NBPF8: variants seen among roughly 807,000 people sequenced by gnomAD.
The protein encoded by NBPF8 is NBPF family member NBPF8.
At chr1:120,416,147 G>A (rs1323078933), upstream of NBPF8, among the ~76,000 whole-genome samples, 1 of 151,714 alleles carries the variant, frequency 6.6e-6, no homozygotes, top group African/African-American at 2.4e-5. Context: ...GAGCTGATAT[G>A]TGTTAGTAGC....
intron 16 of NBPF8, among the ~76,000 whole-genome samples, chr1:120,456,585 C>A (rs1256412643): frequency 1.5e-5 from 2 of 130,444 alleles, no homozygotes; most frequent in South Asian, 2.2e-4. Context: ...AGGATTGCAA[C>A]CCCTGCCTTT....
chr1:120,462,941 C>T (rs1661633146), exon 21 of NBPF8: 1 of 489,598 alleles, frequency 2.0e-6, no homozygotes, highest in Non-Finnish European at 3.4e-6. Context: ...AGGAACAGTA[C>T]CTTGGCTTGG....
intron 23 of NBPF8, among the ~76,000 whole-genome samples, chr1:120,464,890 C>T (rs1464494210): frequency 9.8e-5 from 7 of 71,212 alleles, no homozygotes; most frequent in African/African-American, 3.2e-4. Flanking sequence ...TGTCTAAAGT[C>T]CTCACAACCA....
At chr1:120,436,600 C>T (rs1661090138) in exon 1 of NBPF8, 2 of 1,608,304 alleles carry the variant, frequency 1.2e-6, no homozygotes, top group South Asian at 1.1e-5. Flanking sequence ...AATTGCGCCC[C>T]CAGTTGGCAG....
chr1:120,420,313 T>C (rs2655812), intron 1 of NBPF8, among the ~76,000 whole-genome samples, 195 bp downstream of exon 2: 2,873 of 149,842 alleles, frequency 0.019, 35 homozygotes, highest in East Asian at 0.058. Context: ...CCTGCAGTGC[T>C]GTTGTCAGGT....
chr1:120,451,722 C>T (rs1476434370), intron 12 of NBPF8, among the ~76,000 whole-genome samples: 3 of 148,882 alleles, frequency 2.0e-5, no homozygotes, highest in African/African-American at 7.5e-5. Context: ...TCAATTCGCC[C>T]CATCTGCACC....
At chr1:120,415,716 C>G (rs1467188267), upstream of NBPF8, among the ~76,000 whole-genome samples, 1 of 152,188 alleles carries the variant, frequency 6.6e-6, no homozygotes, top group Admixed American at 6.5e-5. Context: ...CTGCTCCTGG[C>G]GGTTTCTCCA....
chr1:120,468,864 C>T (rs1302981511), downstream of NBPF8, among the ~76,000 whole-genome samples: 2 of 151,406 alleles, frequency 1.3e-5, no homozygotes, highest in African/African-American at 2.4e-5. Flanking sequence ...TTTCCTGCTC[C>T]CTCTGCCGTC....
intron 15 of NBPF8, among the ~76,000 whole-genome samples, chr1:120,454,458 C>A (rs1410102398): frequency 6.6e-6 from 1 of 151,936 alleles, no homozygotes; most frequent in Non-Finnish European, 1.5e-5. Context: ...AGTTTCTATG[C>A]CTGTTTAAGG....
chr1:120,425,535 T>A (rs1378281925), intron 1 of NBPF8, among the ~76,000 whole-genome samples: 4 of 152,182 alleles, frequency 2.6e-5, no homozygotes, highest in African/African-American at 7.2e-5. Context: ...AAATGCCCGA[T>A]AATGATCAAT....
intron 15 of NBPF8, among the ~76,000 whole-genome samples, chr1:120,454,631 A>C (rs1661381678): frequency 1.3e-5 from 2 of 149,094 alleles, no homozygotes; most frequent in African/African-American, 5.0e-5. Context: ...ATTTCCATAA[A>C]GCAAGGCTGG....
chr1:120,428,644 G>A (rs1660787354), intron 3 of NBPF8, among the ~76,000 whole-genome samples: 3 of 152,230 alleles, frequency 2.0e-5, no homozygotes, highest in East Asian at 1.9e-4. Flanking sequence ...ATGAGCAGCC[G>A]ACAGTGGCTG....
upstream of NBPF8, among the ~76,000 whole-genome samples, chr1:120,435,910 C>A (rs1661061211): frequency 6.6e-6 from 1 of 151,212 alleles, no homozygotes; most frequent in Non-Finnish European, 1.5e-5. Flanking sequence ...TAAATGATTC[C>A]ATTTTTTTAT....
chr1:120,449,426 A>C, intron 11 of NBPF8, 24 bp downstream of exon 9: 1 of 1,478,032 alleles, frequency 6.8e-7, no homozygotes, highest in Non-Finnish European at 9.5e-7. Flanking sequence ...GCTCACCATC[A>C]TGAAAGTGAT....
At chr1:120,419,429 G>A (rs1660513155), upstream of NBPF8, among the ~76,000 whole-genome samples, 1 of 151,966 alleles carries the variant, frequency 6.6e-6, no homozygotes, top group South Asian at 2.1e-4. Context: ...ACTAAGATCT[G>A]CCTCAAGTAT....
chr1:120,416,943 C>A (rs1660451861), upstream of NBPF8, among the ~76,000 whole-genome samples: 1 of 132,042 alleles, frequency 7.6e-6, no homozygotes, highest in Non-Finnish European at 1.6e-5. Flanking sequence ...CTTTTATTGT[C>A]ATTTGTGTGT....
chr1:120,468,508 C>T (rs1327712122), downstream of NBPF8, among the ~76,000 whole-genome samples: 1 of 147,996 alleles, frequency 6.8e-6, no homozygotes, highest in Non-Finnish European at 1.5e-5. Context: ...CCTTGGGGGA[C>T]ATACATGGTG....
At chr1:120,424,277 G>A (rs1361933591) in intron 1 of NBPF8, among the ~76,000 whole-genome samples, 2 of 151,386 alleles carry the variant, frequency 1.3e-5, no homozygotes, top group Non-Finnish European at 2.9e-5. Flanking sequence ...CATAATAGTA[G>A]TCCTGTTTAT....
intron 13 of NBPF8, 92 bp downstream of exon 11, chr1:120,452,423 G>C (rs2101679101): frequency 1.3e-6 from 1 of 741,788 alleles, no homozygotes; most frequent in Non-Finnish European, 2.3e-6. Context: ...TGTATCAATG[G>C]TGTTTTTTTC....
Sources: gnomAD v4.1 joint callset for allele counts (sites outside exome capture counted in the v4.1 genomes callset) on GRCh38, gnomAD v4.1.1 for gene constraint, MANE v1.5 for transcripts, NCBI Gene and HGNC (gene_info 2026-07-23, HGNC 2026-07-21) for gene names.